CSMD1: variants seen among roughly 807,000 people sequenced by gnomAD.
The protein encoded by CSMD1 is CUB and Sushi multiple domains 1, also known as CUB and sushi domain-containing protein 1.
A neutral mutation model predicts 417.5 loss-of-function variants in CSMD1; 213 were observed. The observed-to-expected ratio is 0.51, with a 90% CI of 0.46 to 0.57. CSMD1 has a LOEUF of 0.57. Among genes scored for constraint, CSMD1 ranks in the 20% least tolerant of loss-of-function variants. CSMD1 has a pLI of 0.00. For missense variants in CSMD1, 6,923 were observed against 4,529.7 expected, an observed-to-expected ratio of 1.53 and a Z score of -15.17; for synonymous variants, 2,862 against 1,736.8, an observed-to-expected ratio of 1.65 and a Z score of -16.11.
intron 3 of CSMD1, among the ~76,000 whole-genome samples, chr8:4,375,658 G>T (rs902973810): frequency 1.3e-5 from 2 of 152,140 alleles, no homozygotes; most frequent in Non-Finnish European, 2.9e-5. Flanking sequence ...CTGGTGGAAG[G>T]ATAAGGGAGG....
chr8:3,289,425 A>C (rs1244293528), intron 25 of CSMD1, among the ~76,000 whole-genome samples: 3 of 147,406 alleles, frequency 2.0e-5, no homozygotes, highest in South Asian at 2.1e-4. Context: ...TGGTTGAACT[A>C]GTTTACAGTC....
In CSMD1 at chr8:4,060,094, C is replaced by A. The variant is rs1056322883; in HGVS notation, c.416-27995G>T. On this transcript the variant is annotated intron_variant, in intron 3 of 69. Coordinates refer to ENST00000635120, the MANE Select transcript of CSMD1 (RefSeq NM_033225.6). Reference sequence around the variant, plus strand: ...GCAGCACACCAAAAAGCCTATCCACCATGATCAAGTGGGCTTCATCCCTGG... The same window carrying A: ...GCAGCACACCAAAAAGCCTATCCACAATGATCAAGTGGGCTTCATCCCTGG... Among the ~76,000 whole-genome samples the A allele has an allele frequency of 2.0e-5, 3 of 152,172 alleles. No homozygotes were observed. In the South Asian group the frequency reaches 6.2e-4, roughly 32 times the overall value.
At chr8:3,824,998 A>T (rs536810017) in intron 5 of CSMD1, among the ~76,000 whole-genome samples, 5 of 152,294 alleles carry the variant, frequency 3.3e-5, no homozygotes, top group South Asian at 2.1e-4. Context: ...TAAAATTTTT[A>T]AATATGAAAT....
chr8:3,635,152 G>A (rs1796971137), intron 7 of CSMD1, among the ~76,000 whole-genome samples: 1 of 152,090 alleles, frequency 6.6e-6, no homozygotes, highest in Non-Finnish European at 1.5e-5. Context: ...GAGTGCGTGT[G>A]AAGGCCAAGG....
At chr8:3,177,052 A>G (rs1820977929) in intron 37 of CSMD1, among the ~76,000 whole-genome samples, 1 of 152,162 alleles carries the variant, frequency 6.6e-6, no homozygotes, top group South Asian at 2.1e-4. Context: ...TGCTTGGATT[A>G]TAAGCATGAG....
intron 26 of CSMD1, among the ~76,000 whole-genome samples, chr8:3,236,215 G>T (rs914229550): frequency 6.6e-6 from 1 of 151,988 alleles, no homozygotes; most frequent in Non-Finnish European, 1.5e-5. Flanking sequence ...ACCGCGCCTC[G>T]CCGAAAATGT....
chr8:3,555,325 G>A (rs1012207246), intron 10 of CSMD1, among the ~76,000 whole-genome samples: 2 of 152,104 alleles, frequency 1.3e-5, no homozygotes, highest in Non-Finnish European at 2.9e-5. Flanking sequence ...TTTTCATTCT[G>A]TTCTTGGGAC....
chr8:2,979,277 G>A (rs969692676), intron 54 of CSMD1, among the ~76,000 whole-genome samples: 3 of 152,298 alleles, frequency 2.0e-5, no homozygotes, highest in East Asian at 1.9e-4. Flanking sequence ...TATGTAGAAC[G>A]CAACTAAAAA....
chr8:4,246,154 C>A (rs1802697044), intron 3 of CSMD1, among the ~76,000 whole-genome samples: 1 of 152,090 alleles, frequency 6.6e-6, no homozygotes, highest in East Asian at 1.9e-4. Flanking sequence ...CCATTATTTT[C>A]CTGATCCCCT....
At chr8:3,896,744 G>A (rs77422276) in intron 5 of CSMD1, among the ~76,000 whole-genome samples, 1 of 151,760 alleles carries the variant, frequency 6.6e-6, no homozygotes, top group East Asian at 1.9e-4. Context: ...TCCTGAATAT[G>A]TTTTTTTTAA....
At chr8:4,221,509 C>T (rs993781478) in intron 3 of CSMD1, among the ~76,000 whole-genome samples, 1 of 152,058 alleles carries the variant, frequency 6.6e-6, no homozygotes, top group Non-Finnish European at 1.5e-5. Context: ...ATTCGTGAAA[C>T]AAGCCAATTT....
intron 26 of CSMD1, among the ~76,000 whole-genome samples, chr8:3,264,148 G>C (rs1801273016): frequency 6.6e-6 from 1 of 152,132 alleles, no homozygotes. Context: ...CTTTCTAGCA[G>C]GTATGAACAA....
intron 3 of CSMD1, among the ~76,000 whole-genome samples, chr8:4,032,737 A>C (rs1342771879): frequency 6.6e-6 from 1 of 152,226 alleles, no homozygotes; most frequent in Non-Finnish European, 1.5e-5. Context: ...AGCAAGTTTC[A>C]GTGCTAAGTT....
chr8:4,562,464 G>C (rs78833227), intron 2 of CSMD1, among the ~76,000 whole-genome samples: 1 of 152,260 alleles, frequency 6.6e-6, no homozygotes, highest in Non-Finnish European at 1.5e-5. Flanking sequence ...AAACTGTAGA[G>C]ATTGAATTCA....
intron 65 of CSMD1, 133 bp from the exon 66 acceptor site, chr8:2,951,408 C>G: frequency 1.1e-6 from 1 of 883,012 alleles, no homozygotes; most frequent in Non-Finnish European, 1.7e-6. Context: ...ACAAGAGGAG[C>G]CTAGTGCATC....
intron 12 of CSMD1, among the ~76,000 whole-genome samples, chr8:3,427,123 T>G (rs1339997026): frequency 6.6e-6 from 1 of 152,164 alleles, no homozygotes; most frequent in Non-Finnish European, 1.5e-5. Flanking sequence ...GGCCTCTCCT[T>G]TGACACAAGA....
chr8:4,194,342 C>T (rs1012104700), intron 3 of CSMD1, among the ~76,000 whole-genome samples: 2 of 152,062 alleles, frequency 1.3e-5, no homozygotes, highest in East Asian at 1.9e-4. Context: ...CAGGAGAAAA[C>T]CACAGACCTA....
chr8:4,202,090 A>AT (rs1195237964), intron 3 of CSMD1, among the ~76,000 whole-genome samples: 2 of 56,112 alleles, frequency 3.6e-5, no homozygotes, highest in Non-Finnish European at 9.8e-5. Context: ...TTAAGAGTAA[A>AT]TTTTGTTTTT....
chr8:3,467,654 C>T (rs1328963443), intron 12 of CSMD1, among the ~76,000 whole-genome samples: 9 of 152,176 alleles, frequency 5.9e-5, no homozygotes, highest in Admixed American at 5.9e-4. Flanking sequence ...CCGGGGTGGG[C>T]CCACACACCA....
Sources: allele counts gnomAD v4.1 joint callset (sites outside exome capture counted in the v4.1 genomes callset), GRCh38; gene constraint gnomAD v4.1.1; transcripts MANE v1.5; gene names NCBI Gene and HGNC (gene_info 2026-07-23, HGNC 2026-07-21).